Variants in DENND2A observed in about 807,000 individuals in gnomAD.
DENND2A encodes the protein DENN domain containing 2A.
A neutral mutation model predicts 105.3 loss-of-function variants in DENND2A; 53 were observed. The ratio of observed to expected loss-of-function variants is 0.50; its 90% CI spans 0.40 to 0.63. DENND2A has a LOEUF of 0.63. Among genes scored for constraint, DENND2A ranks in the 30% least tolerant of loss-of-function variants. The pLI, the probability that DENND2A is intolerant of heterozygous loss-of-function variation, is 0.00. For synonymous variants in DENND2A, 522 were observed against 508.4 expected (o/e 1.03, Z -0.36); for missense variants, 1,138 against 1,279.6 (o/e 0.89, Z 1.69).
rs780137278 is a variant in DENND2A, at chr7:140,519,652, T to C, written c.2978A>G (p.Asn993Ser). The part of the protein sequence containing the change: ...TLPSGEHSGV[N>S]KFLKGLGNKM... ...CTTACCTAGTCCCTTCAGGAACTTATTGACACCGCTGTGCTCTCCACTGGG... is the reference window on the plus strand; with the variant it reads ...CTTACCTAGTCCCTTCAGGAACTTACTGACACCGCTGTGCTCTCCACTGGG... The change falls in exon 19 of 20, where the codon AAT (asparagine) becomes AGT (serine). Residue 993 changes from asparagine to serine, a missense_variant. By Grantham distance (46) the Asn-to-Ser change is conservative (BLOSUM62 1). Coordinates refer to ENST00000496613, the MANE Select transcript of DENND2A (RefSeq NM_015689.5). The C allele has an allele frequency of 3.7e-6, 6 of 1,614,128 alleles. No homozygotes were observed. The Admixed American group carries it at 5.0e-5, about 13-fold the overall frequency.
chr7:140,625,422 G>A (rs1295724052), intron 1 of DENND2A, among the ~76,000 whole-genome samples: 5 of 152,040 alleles, frequency 3.3e-5, no homozygotes, highest in Non-Finnish European at 7.3e-5. Context: ...GCTCATGCCT[G>A]TAATCCCGGC....
intron 1 of DENND2A, among the ~76,000 whole-genome samples, chr7:140,627,725 A>G (rs1800587490): frequency 1.3e-5 from 2 of 150,496 alleles, no homozygotes; most frequent in Admixed American, 6.6e-5. Context: ...CAGGGTTTTG[A>G]TTTGTTGTGC....
Position 140,542,207 on chromosome 7 carries a change from T to A in DENND2A, c.2327+2411A>T, listed in dbSNP as rs567353607. Among the ~76,000 whole-genome samples, 4 of 152,268 alleles carry A rather than the reference T, an allele frequency of 2.6e-5. No individual in the cohort carries two copies. In the South Asian group the frequency reaches 8.3e-4, roughly 32 times the overall value. ...CCCCCAGTTCCAAAGCAAAGAAGGC[T>A]CTGATTCAGTATTTCAAAAATGAGC... On this transcript the variant is annotated intron_variant, in intron 14 of 19. Coordinates refer to ENST00000496613, the MANE Select transcript of DENND2A (RefSeq NM_015689.5).
At chr7:140,570,799 A>T (rs1798061359) in intron 6 of DENND2A, among the ~76,000 whole-genome samples, 2 of 152,208 alleles carry the variant, frequency 1.3e-5, no homozygotes, top group South Asian at 4.1e-4. Flanking sequence ...TAGTTGTCTG[A>T]TGCATTTGAA....
At chr7:140,536,177 A>T (rs1796449415) in intron 14 of DENND2A, among the ~76,000 whole-genome samples, 1 of 151,618 alleles carries the variant, frequency 6.6e-6, no homozygotes, top group Non-Finnish European at 1.5e-5. Context: ...ACATAGTGAA[A>T]CCCCGTCTCT....
At chr7:140,630,173 C>A (rs183986511) in intron 1 of DENND2A, among the ~76,000 whole-genome samples, 111 of 151,906 alleles carry the variant, frequency 7.3e-4, no homozygotes, top group Non-Finnish European at 1.4e-3. Flanking sequence ...TGCAGTGGCA[C>A]CATCGCGGCT....
intron 5 of DENND2A, among the ~76,000 whole-genome samples, chr7:140,575,899 G>A (rs1455680850): frequency 6.6e-6 from 1 of 151,206 alleles, no homozygotes; most frequent in Non-Finnish European, 1.5e-5. Flanking sequence ...AAGCCAGGAG[G>A]TAGAGGTTGC....
chr7:140,519,796 A>T, intron 18 of DENND2A, 78 bp from the exon 19 acceptor site: 1 of 1,304,828 alleles, frequency 7.7e-7, no homozygotes, highest in Non-Finnish European at 1.1e-6. Context: ...TCCCTACCAG[A>T]GAAAAGAGAA....
At chr7:140,568,682 C>A in intron 8 of DENND2A, 81 bp downstream of exon 8, 1 of 1,436,924 alleles carries the variant, frequency 7.0e-7, no homozygotes, top group Non-Finnish European at 9.8e-7. Context: ...ACGCTTCTGT[C>A]CCTCATACTA....
At chr7:140,525,641 C>T (rs1333138498) in intron 16 of DENND2A, 110 bp downstream of exon 16, 3 of 1,012,706 alleles carry the variant, frequency 3.0e-6, no homozygotes, top group African/African-American at 1.7e-5. Flanking sequence ...CACAGCTCTG[C>T]CACCCTGCTC....
chr7:140,537,257 C>T (rs1796484931), intron 14 of DENND2A, among the ~76,000 whole-genome samples: 1 of 152,140 alleles, frequency 6.6e-6, no homozygotes, highest in South Asian at 2.1e-4. Flanking sequence ...CCAAACCGAA[C>T]AAATAAGAGG....
At chr7:140,570,972 C>T (rs679600) in intron 6 of DENND2A, among the ~76,000 whole-genome samples, 12,653 of 152,244 alleles carry the variant, frequency 0.083, 576 homozygotes, top group Admixed American at 0.15. Flanking sequence ...AAAGAGTACA[C>T]GCTCATGGCA....
At position 140,616,327 on chromosome 7, in the gene DENND2A, A is replaced by C. The variant is rs111424767; in HGVS notation, c.-247-10521T>G. ...CAGTGAGCTGAGATCACACCACTGT[A>C]CTCCAGCCTGGGCGACAGAGCGAGA... On this transcript the variant is annotated intron_variant, in intron 1 of 19. Coordinates refer to ENST00000496613, the MANE Select transcript of DENND2A (RefSeq NM_015689.5). Among the ~76,000 whole-genome samples the C allele has an allele frequency of 4.2e-3, 641 of 152,242 alleles. 7 individuals are homozygous for C. The highest frequency in any genetic ancestry group is 0.015 in the African/African-American group (608 of 41,552).
intron 1 of DENND2A, among the ~76,000 whole-genome samples, chr7:140,639,460 T>G (rs1332075038): frequency 6.6e-6 from 1 of 151,258 alleles, no homozygotes; most frequent in Non-Finnish European, 1.5e-5. Flanking sequence ...ACACACACAC[T>G]CGCACACTCA....
Position 140,601,687 on chromosome 7 carries a change from A to G in DENND2A, c.711T>C (p.Gly237=). The G allele has an allele frequency of 3.7e-6, 6 of 1,613,542 alleles. No homozygotes were observed. The highest frequency in any genetic ancestry group is 1.3e-5 in the African/African-American group (1 of 74,844). The change falls in exon 3 of 20, where the codon GGT becomes GGC. Residue 237 remains glycine (G), a synonymous_variant. Coordinates refer to ENST00000496613, the MANE Select transcript of DENND2A (RefSeq NM_015689.5). Reference sequence around the variant, plus strand: ...TCCGGTCCCAGGGCCTTCTGCATGAACCTTTCCTGTCCTCCACAAGCTCAG... The same window carrying G: ...TCCGGTCCCAGGGCCTTCTGCATGAGCCTTTCCTGTCCTCCACAAGCTCAG... The part of the protein sequence containing the change: ...PTPELVEDRK[G]SCRRPWDRSL...
Position 140,525,800 on chromosome 7 carries a change from A to G in DENND2A, c.2506-8T>C. Reference sequence around the variant, plus strand: ...GAGGTCAACCACAAGGACCTATGAGATGAGACGAAAGGGACTGTTACTGTC... The same window carrying G: ...GAGGTCAACCACAAGGACCTATGAGGTGAGACGAAAGGGACTGTTACTGTC... On this transcript the variant is annotated splice_region_variant and splice_polypyrimidine_tract_variant and intron_variant, in intron 15 of 19. Coordinates refer to ENST00000496613, the MANE Select transcript of DENND2A (RefSeq NM_015689.5). 1 of 1,597,538 alleles carries G rather than the reference A, an allele frequency of 6.3e-7. No individual in the cohort carries two copies. The highest frequency in any genetic ancestry group is 8.5e-7 in the Non-Finnish European group (1 of 1,171,562).
chr7:140,538,942 GC>G (rs1339876872), intron 14 of DENND2A, among the ~76,000 whole-genome samples: 3 of 151,958 alleles, frequency 2.0e-5, no homozygotes, highest in Non-Finnish European at 4.4e-5. Context: ...TCCTGCCTCA[GC>G]CTCCTGAGTA....
At chr7:140,551,414 G>A (rs753960016) in intron 12 of DENND2A, among the ~76,000 whole-genome samples, 1 of 152,066 alleles carries the variant, frequency 6.6e-6, no homozygotes, top group Non-Finnish European at 1.5e-5. Flanking sequence ...CAGGCCTTAG[G>A]AGGCCTGCCT....
chr7:140,566,847 C>T (rs979689149), intron 9 of DENND2A, among the ~76,000 whole-genome samples: 1 of 152,170 alleles, frequency 6.6e-6, no homozygotes, highest in South Asian at 2.1e-4. Flanking sequence ...CCATGCATGG[C>T]TAATTTTTGT....
Sources: allele counts gnomAD v4.1 joint callset (sites outside exome capture counted in the v4.1 genomes callset), GRCh38; gene constraint gnomAD v4.1.1; transcripts MANE v1.5; gene names NCBI Gene and HGNC (gene_info 2026-07-23, HGNC 2026-07-21).